The following CCNE1 variants were observed in gnomAD, a reference collection of about 807,000 sequenced individuals.
The protein encoded by CCNE1 is cyclin E1.
CCNE1 carries 8 observed loss-of-function variants against 54.1 expected under a neutral mutation model. The observed-to-expected ratio is 0.15, with a 90% CI of 0.09 to 0.27. The LOEUF (loss-of-function observed/expected upper bound fraction) is 0.27. Ranked by LOEUF, CCNE1 falls within the 10% of genes least tolerant of loss-of-function variation. The pLI is 1.00. For synonymous variants in CCNE1, 179 were observed against 185.2 expected, an observed-to-expected ratio of 0.97 and a Z score of 0.27; for missense variants, 430 against 514.9, an observed-to-expected ratio of 0.84 and a Z score of 1.60.
chr19:29,814,023 A>T (rs540433612), intron 4 of CCNE1, among the ~76,000 whole-genome samples: 2 of 152,332 alleles, frequency 1.3e-5, no homozygotes, highest in African/African-American at 4.8e-5. Context: ...GTTTCAACGC[A>T]GTGCGCCGTG....
intron 11 of CCNE1, among the ~76,000 whole-genome samples, chr19:29,822,966 T>A (rs1459075908): frequency 6.6e-6 from 1 of 151,280 alleles, no homozygotes; most frequent in Non-Finnish European, 1.5e-5. Flanking sequence ...ACTGCCTAAA[T>A]AACCTGTTCA....
intron 11 of CCNE1, 107 bp from the exon 12 acceptor site, chr19:29,823,548 T>G: frequency 1.0e-6 from 1 of 984,696 alleles, no homozygotes; most frequent in African/African-American, 1.7e-5. Flanking sequence ...GTCTCCATCT[T>G]GAGAAAAAAA....
chr19:29,820,345 G>A (rs945553617), intron 6 of CCNE1, among the ~76,000 whole-genome samples: 2 of 152,124 alleles, frequency 1.3e-5, no homozygotes, highest in Admixed American at 6.5e-5. Flanking sequence ...GAGGCCGGGA[G>A]TTCAAAACCA....
At chr19:29,823,230 G>A (rs564826646) in intron 11 of CCNE1, among the ~76,000 whole-genome samples, 1 of 152,152 alleles carries the variant, frequency 6.6e-6, no homozygotes, top group South Asian at 2.1e-4. Context: ...GGACAACATA[G>A]GGAGACCCTG....
intron 4 of CCNE1, among the ~76,000 whole-genome samples, chr19:29,815,801 G>A (rs1974002078): frequency 6.7e-6 from 1 of 148,744 alleles, no homozygotes; most frequent in Non-Finnish European, 1.5e-5. Flanking sequence ...GCTAATTTTT[G>A]TATTTTTAGT....
chr19:29,823,003 C>T (rs1030027250), intron 11 of CCNE1, among the ~76,000 whole-genome samples: 1 of 150,936 alleles, frequency 6.6e-6, no homozygotes, highest in African/African-American at 2.4e-5. Flanking sequence ...CCCCAAATAT[C>T]CTTGAAAAAC....
chr19:29,822,515 C>T lies in CCNE1; in HGVS notation c.1022C>T (p.Thr341Met), dbSNP rs200042616. ...CCATTTGCCATGGTTATAAGGGAGA[C>T]GGGGAGCTCAAAACTGAAGCACTTC... The part of the protein sequence containing the change: ...MVPFAMVIRE[T>M]GSSKLKHFRG... The change falls in exon 11 of 12, where the codon ACG becomes ATG. Residue 341 changes from threonine (T) to methionine (M), a missense_variant. Thr to Met is a moderately conservative substitution (Grantham distance 81, BLOSUM62 -1). Coordinates refer to ENST00000262643, the MANE Select transcript of CCNE1 (RefSeq NM_001238.4). The T allele has an allele frequency of 1.5e-5, 24 of 1,613,940 alleles. No homozygotes were observed. Among genetic ancestry groups the T allele is most frequent in the African/African-American group, 4.0e-5 (3 of 74,874 alleles).
At position 29,822,298 on chromosome 19, in the gene CCNE1, C is replaced by T. The variant is rs2145729292; in HGVS notation, c.899C>T (p.Ala300Val). The T allele has an allele frequency of 6.2e-7, 1 of 1,614,130 alleles. No homozygotes were observed. The highest frequency in any genetic ancestry group is 1.1e-5 in the South Asian group (1 of 91,084). ...DCLEFPYGIL[A>V]ASALYHFSSS... ...CTTGAATTTCCTTATGGTATACTTG[C>T]TGCTTCGGCCTTGTATCATTTCTCG... Residue 300 changes from alanine (A) to valine (V), a missense_variant, in exon 10 of 12, where the codon GCT becomes GTT. Physicochemically the swap from Ala to Val is moderately conservative, Grantham distance 64. Around this residue, in one of 2 missense-constraint regions of CCNE1, gnomAD observed 303 missense variants for 401.1 expected, o/e 0.76. Transcript: ENST00000262643.
chr19:29,823,503 C>G (rs1441826615), intron 11 of CCNE1, 152 bp from the exon 12 acceptor site: 19 of 484,090 alleles, frequency 3.9e-5, no homozygotes, highest in Non-Finnish European at 5.3e-5. Context: ...AAGCCGAGAT[C>G]CCACCACTGT....
At chr19:29,822,696 C>A in intron 11 of CCNE1, 93 bp downstream of exon 11, 1 of 1,326,778 alleles carries the variant, frequency 7.5e-7, no homozygotes, top group Non-Finnish European at 1.0e-6. Flanking sequence ...GTAAACCCAG[C>A]ACTTTGGGAG....
At chr19:29,814,100 G>A (rs1973955812) in intron 4 of CCNE1, among the ~76,000 whole-genome samples, 1 of 152,186 alleles carries the variant, frequency 6.6e-6, no homozygotes, top group Non-Finnish European at 1.5e-5. Flanking sequence ...AGGGTCCACT[G>A]ACTATTGAAG....
chr19:29,817,071 G>A, intron 4 of CCNE1, 66 bp from the exon 5 acceptor site: 2 of 1,521,478 alleles, frequency 1.3e-6, no homozygotes, highest in Non-Finnish European at 1.8e-6. Context: ...AATTTGTAAT[G>A]TTTTTGGGTA....
At chr19:29,818,752 A>T (rs1974083811) in intron 6 of CCNE1, among the ~76,000 whole-genome samples, 1 of 149,094 alleles carries the variant, frequency 6.7e-6, no homozygotes, top group East Asian at 2.0e-4. Flanking sequence ...CAACATAGCG[A>T]GACCCCATGT....
intron 6 of CCNE1, among the ~76,000 whole-genome samples, chr19:29,820,274 G>A (rs951991369): frequency 6.6e-6 from 1 of 152,196 alleles, no homozygotes; most frequent in Non-Finnish European, 1.5e-5. Context: ...TGTTAGGCTG[G>A]GCACAGTGGC....
rs1471077656 is a variant in CCNE1, at chr19:29,822,584, GAGAC to G, written c.1094_1097del (p.Asp365AlafsTer136). 6.2e-7 allele frequency: 1 copy of G among 1,612,378 alleles called. No individual in the cohort carries two copies. The highest frequency in any genetic ancestry group is 8.5e-7 in the Non-Finnish European group (1 of 1,179,390). On this transcript the variant is annotated frameshift_variant, in exon 11 of 12. Coordinates refer to ENST00000262643, the MANE Select transcript of CCNE1 (RefSeq NM_001238.4). LOFTEE classifies it high-confidence loss of function. ...GATGCACACAACATACAGACCCACA[GAGAC>G]AGCTTGGATTTGCTGGTCAGTGCTG...
intron 4 of CCNE1, among the ~76,000 whole-genome samples, chr19:29,815,753 C>T (rs190513420): frequency 1.1e-3 from 160 of 151,322 alleles, no homozygotes; most frequent in East Asian, 3.9e-4. Flanking sequence ...TTCAGCCTCC[C>T]GAGTAGTTGG....
At chr19:29,817,791 G>A (rs149177899) in intron 6 of CCNE1, among the ~76,000 whole-genome samples, 72 of 148,288 alleles carry the variant, frequency 4.9e-4, no homozygotes, top group African/African-American at 1.6e-3. Context: ...TAATTGTTAA[G>A]ATTGTATTTT....
chr19:29,816,153 CT>C (rs1459289593), intron 4 of CCNE1, among the ~76,000 whole-genome samples: 2 of 116,268 alleles, frequency 1.7e-5, no homozygotes, highest in Admixed American at 1.9e-4. Flanking sequence ...GAGACCCTCT[CT>C]CAAAAAAAAA....
chr19:29,817,581 A>T, intron 6 of CCNE1, 40 bp downstream of exon 6: 1 of 1,612,000 alleles, frequency 6.2e-7, no homozygotes, highest in Non-Finnish European at 8.5e-7. Flanking sequence ...GAAAGCACTG[A>T]GCATTTCCAG....
Sources: gnomAD v4.1 joint callset for allele counts (sites outside exome capture counted in the v4.1 genomes callset) on GRCh38, gnomAD v4.1.1 for gene constraint, gnomAD v4.1.1 regional missense constraint, MANE v1.5 for transcripts, NCBI Gene and HGNC (gene_info 2026-07-23, HGNC 2026-07-21) for gene names.